Variants in ARHGEF11 observed in about 807,000 individuals in gnomAD.
The protein encoded by ARHGEF11 is Rho guanine nucleotide exchange factor 11, also known as Rho guanine exchange factor (GEF) 11.
Under a neutral mutation model 193.7 loss-of-function variants are expected in ARHGEF11, and 55 were observed. That is an observed-to-expected ratio of 0.28 (90% CI 0.23 to 0.36). The LOEUF is 0.36. ARHGEF11 is among the 10% of genes least tolerant of loss of function. The pLI is 1.00. For missense variants in ARHGEF11, 1,723 were observed against 2,005.6 expected, an observed-to-expected ratio of 0.86 and a Z score of 2.69; for synonymous variants, 693 against 768.0, an observed-to-expected ratio of 0.90 and a Z score of 1.62.
In ARHGEF11 at chr1:156,963,316, A is replaced by T; in HGVS notation, c.1039-12T>A. 1.9e-6 allele frequency: 3 copies of T among 1,611,220 alleles called. No individual in the cohort carries two copies. Among genetic ancestry groups the T allele is most frequent in the Non-Finnish European group, 2.5e-6 (3 of 1,177,642 alleles). On this transcript the variant is annotated splice_polypyrimidine_tract_variant and intron_variant, in intron 12 of 40. Coordinates refer to ENST00000368194, the MANE Select transcript of ARHGEF11 (RefSeq NM_198236.3). ...AATATGATGTCGCTCTGGAAGGCAG[A>T]AGGATGAGCATGGTGGGAAGCCGGG...
chr1:156,957,163 T>G (rs1324175119), intron 18 of ARHGEF11, among the ~76,000 whole-genome samples: 2 of 152,172 alleles, frequency 1.3e-5, no homozygotes, highest in Admixed American at 1.3e-4. Context: ...ATTTGCTGGA[T>G]GGATGATGAC....
At chr1:156,985,447 A>C (rs572559400) in intron 2 of ARHGEF11, among the ~76,000 whole-genome samples, 6 of 152,226 alleles carry the variant, frequency 3.9e-5, no homozygotes, top group Non-Finnish European at 7.4e-5. Context: ...CTTTTGAGAC[A>C]GAGTCTTGCT....
chr1:156,967,532 A>C (rs1185311518), intron 11 of ARHGEF11, among the ~76,000 whole-genome samples: 1 of 151,500 alleles, frequency 6.6e-6, no homozygotes, highest in Non-Finnish European at 1.5e-5. Context: ...CCTTGAGGGC[A>C]GGGGGAGGTT....
chr1:156,992,336 C>T (rs1665858450), intron 1 of ARHGEF11, among the ~76,000 whole-genome samples: 1 of 152,224 alleles, frequency 6.6e-6, no homozygotes, highest in South Asian at 2.1e-4. Context: ...TTGGCGCACA[C>T]ATTCTCCCCT....
Position 157,014,876 on chromosome 1 carries a change from C to CT in ARHGEF11, c.33-28704_33-28703insA, listed in dbSNP as rs200169683. ...TACCCTTCCTTCTTAGGAGACAGTGCGTACTCTCCTTTTAACCAACTTTTG... is the reference window on the plus strand; with the variant it reads ...TACCCTTCCTTCTTAGGAGACAGTGCTGTACTCTCCTTTTAACCAACTTTTG... On this transcript the variant is annotated intron_variant, in intron 1 of 40. Coordinates refer to ENST00000368194, the MANE Select transcript of ARHGEF11 (RefSeq NM_198236.3). 8.4e-3 allele frequency among the ~76,000 whole-genome samples: 1,280 copies of CT among 152,278 alleles called. 4 individuals carry two copies. Among genetic ancestry groups the CT allele is most frequent in the Non-Finnish European group, 0.012 (819 of 68,024 alleles).
rs1343903340 is a variant in ARHGEF11, at chr1:156,948,210, G to C, written c.2124C>G (p.Thr708=). The change falls in exon 24 of 41, where the codon ACC becomes ACG. Residue 708 remains threonine (T), a synonymous_variant. Transcript: ENST00000368194. This position sits in a 1 kb window ranked among gnomAD's most constrained non-coding sequence, Gnocchi z 4.2. ...SLSTRSLENP[T]PPFTPKMGRR... is the part of the protein sequence containing the mutation. ...GGCCCATTTTGGGAGTGAATGGAGG[G>C]GTTGGGTTCTCAAGAGACCTGTGGA... is the stretch of plus-strand genomic sequence containing the variant. 1.3e-6 allele frequency: 2 copies of C among 1,582,358 alleles called. No homozygotes were observed. Among genetic ancestry groups the C allele is most frequent in the Non-Finnish European group, 1.7e-6 (2 of 1,162,224 alleles).
intron 7 of ARHGEF11, among the ~76,000 whole-genome samples, chr1:156,972,629 A>G (rs1662656340): frequency 6.6e-6 from 1 of 152,222 alleles, no homozygotes; most frequent in Admixed American, 6.5e-5. Flanking sequence ...CTGGGGCTTC[A>G]CTACTACCTG....
intron 30 of ARHGEF11, 30 bp downstream of exon 30, chr1:156,944,989 G>C: frequency 6.2e-7 from 1 of 1,606,590 alleles, no homozygotes. Context: ...AAAGTGTGAG[G>C]GGTTGACTGC....
At chr1:156,979,082 A>G (rs1430738522) in intron 5 of ARHGEF11, 147 bp downstream of exon 5, 3 of 713,478 alleles carry the variant, frequency 4.2e-6, no homozygotes, top group East Asian at 5.4e-5. Flanking sequence ...GGATCACTCC[A>G]TGTTACGATT....
At chr1:156,937,542 T>C in intron 38 of ARHGEF11, 46 bp from the exon 39 acceptor site, 2 of 1,497,318 alleles carry the variant, frequency 1.3e-6, no homozygotes, top group Non-Finnish European at 1.8e-6. Flanking sequence ...AACAGAGAAG[T>C]CGAAGCTATC....
In ARHGEF11 at chr1:156,947,843, C is replaced by G. The variant is rs766214284; in HGVS notation, c.2267G>C (p.Trp756Ser). The G allele has an allele frequency of 1.2e-6, 2 of 1,614,106 alleles. No homozygotes were observed. The highest frequency in any genetic ancestry group is 1.7e-6 in the Non-Finnish European group (2 of 1,180,012). ...DLEPEPDAQNWQHTVGKDVVA... is the reference protein window; with the variant it reads ...DLEPEPDAQNSQHTVGKDVVA... ...CACATCCTTGCCCACTGTATGCTGCCAATTTTGGGCATCTGGCTCTGGCTC... is the reference window on the plus strand; with the variant it reads ...CACATCCTTGCCCACTGTATGCTGCGAATTTTGGGCATCTGGCTCTGGCTC... The change falls in exon 25 of 41, where the codon TGG becomes TCG. Residue 756 changes from tryptophan (W) to serine (S), a missense_variant. Physicochemically the swap from Trp to Ser is radical, Grantham distance 177. Transcript: ENST00000368194.
intron 8 of ARHGEF11, among the ~76,000 whole-genome samples, chr1:156,970,982 C>G (rs1407030191): frequency 6.6e-6 from 1 of 152,176 alleles, no homozygotes; most frequent in Non-Finnish European, 1.5e-5. Flanking sequence ...GTTTCCCAAA[C>G]TTTTTTGATC....
chr1:156,983,730 A>T (rs1198611903), intron 3 of ARHGEF11, among the ~76,000 whole-genome samples: 1 of 152,134 alleles, frequency 6.6e-6, no homozygotes, highest in Non-Finnish European at 1.5e-5. Flanking sequence ...CTTTCAAACT[A>T]CTTCTAAAAT....
intron 1 of ARHGEF11, among the ~76,000 whole-genome samples, chr1:157,020,270 G>GT (rs1330089545): frequency 6.6e-6 from 1 of 152,128 alleles, no homozygotes; most frequent in African/African-American, 2.4e-5. Context: ...ATTATATACT[G>GT]TAAGTGTGCA....
intron 1 of ARHGEF11, among the ~76,000 whole-genome samples, chr1:157,034,915 C>T (rs947082602): frequency 2.6e-5 from 4 of 152,090 alleles, no homozygotes; most frequent in African/African-American, 9.7e-5. Flanking sequence ...TATTAACCAG[C>T]AAAGACTTCC....
At chr1:156,985,981 C>A (rs1005390220) in intron 2 of ARHGEF11, 101 bp downstream of exon 2, 2 of 937,128 alleles carry the variant, frequency 2.1e-6, no homozygotes, top group South Asian at 1.4e-5. Context: ...CAGAGCTCTT[C>A]GGCTCAAGCG....
chr1:157,035,427 T>C (rs1671791876), intron 1 of ARHGEF11, among the ~76,000 whole-genome samples: 1 of 151,242 alleles, frequency 6.6e-6, no homozygotes, highest in Admixed American at 6.6e-5. Context: ...TTTTTTGAGA[T>C]GGAGTTTCGC....
intron 1 of ARHGEF11, among the ~76,000 whole-genome samples, chr1:157,042,590 A>G (rs962438298): frequency 3.3e-5 from 5 of 152,244 alleles, no homozygotes; most frequent in African/African-American, 1.2e-4. Flanking sequence ...TCTACCTCAC[A>G]CAGAACCACT....
intron 10 of ARHGEF11, 68 bp downstream of exon 10, chr1:156,969,214 A>G: frequency 7.5e-7 from 1 of 1,325,860 alleles, no homozygotes; most frequent in East Asian, 2.5e-5. Flanking sequence ...GGTAGGCAGC[A>G]GAACTTGGGT....
Sources: gnomAD v4.1 joint callset for allele counts (sites outside exome capture counted in the v4.1 genomes callset) on GRCh38, gnomAD v4.1.1 for gene constraint, Gnocchi (gnomAD v3.1) non-coding constraint, MANE v1.5 for transcripts, NCBI Gene and HGNC (gene_info 2026-07-23, HGNC 2026-07-21) for gene names.